RAB3C: variants seen among roughly 807,000 people sequenced by gnomAD.
RAB3C encodes ras-related protein Rab-3C.
In RAB3C, 17 loss-of-function variants were observed where a neutral mutation model predicts 26.4. The observed-to-expected ratio is 0.64, with a 90% confidence interval of 0.44 to 0.97. The LOEUF (loss-of-function observed/expected upper bound fraction) is 0.97. Ranked by LOEUF, RAB3C falls within the 50% of genes least tolerant of loss-of-function variation. RAB3C has a pLI of 0.00. For synonymous variants in RAB3C, 91 were observed against 95.9 expected, an observed-to-expected ratio of 0.95 and a Z score of 0.30; for missense variants, 242 against 281.9, an observed-to-expected ratio of 0.86 and a Z score of 1.01.
chr5:58,694,851 T>C (rs1364584984), intron 2 of RAB3C, among the ~76,000 whole-genome samples: 1 of 152,182 alleles, frequency 6.6e-6, no homozygotes, highest in Non-Finnish European at 1.5e-5. Flanking sequence ...GATGGGTAGA[T>C]TGCAAAAATT....
intron 2 of RAB3C, among the ~76,000 whole-genome samples, chr5:58,620,950 C>T (rs1410132493): frequency 6.6e-6 from 1 of 151,816 alleles, no homozygotes; most frequent in Non-Finnish European, 1.5e-5. Context: ...TTGCATTATG[C>T]TATAATATAA....
At chr5:58,720,735 C>T (rs1219583900) in intron 2 of RAB3C, among the ~76,000 whole-genome samples, 1 of 151,818 alleles carries the variant, frequency 6.6e-6, no homozygotes, top group African/African-American at 2.4e-5. Context: ...TCTACTTTAT[C>T]ATGTATCAGG....
chr5:58,582,815 C>A (rs1745927445), upstream of RAB3C, among the ~76,000 whole-genome samples: 1 of 152,228 alleles, frequency 6.6e-6, no homozygotes, highest in African/African-American at 2.4e-5. Context: ...GCTGGGGTCA[C>A]ATTCGCCTGC....
chr5:58,833,324 T>TCACACACACACACACACACACACA (rs571940681), intron 4 of RAB3C, among the ~76,000 whole-genome samples: 202 of 141,108 alleles, frequency 1.4e-3, no homozygotes, highest in Admixed American at 3.2e-3. Flanking sequence ...ACGGACCCCA[T>TCACACACACACACACACACACACA]CACACACACA....
At chr5:58,744,014 A>C (rs1741338124) in intron 3 of RAB3C, among the ~76,000 whole-genome samples, 1 of 152,206 alleles carries the variant, frequency 6.6e-6, no homozygotes, top group African/African-American at 2.4e-5. Flanking sequence ...TTAATTGTTT[A>C]CCAGTGTGTT....
Position 58,726,052 on chromosome 5 carries a change from T to G in RAB3C, c.303T>G (p.Arg101=), listed in dbSNP as rs1480398812. ...RYRTITTAYY[R]GAMGFILMYD... ...GGACTATCACCACAGCCTATTATCG[T>G]GGAGCCATGGGCTTTATTTTAATGT... is the stretch of plus-strand genomic sequence containing the variant. Residue 101 remains arginine (R), a synonymous_variant, in exon 3 of 5, where the codon CGT becomes CGG. Coordinates refer to ENST00000282878, the MANE Select transcript of RAB3C (RefSeq NM_138453.4). The G allele has an allele frequency of 6.2e-7, 1 of 1,608,186 alleles. No individual in the cohort carries two copies. The highest frequency in any genetic ancestry group is 8.5e-7 in the Non-Finnish European group (1 of 1,176,634).
At chr5:58,848,381 G>C (rs1165317858) in intron 4 of RAB3C, 1 of 152,146 alleles carries the variant, frequency 6.6e-6, no homozygotes, top group Non-Finnish European at 1.5e-5. Flanking sequence ...AATTAACATA[G>C]GACTTACAAT....
chr5:58,685,375 C>T (rs1748423938), intron 2 of RAB3C, among the ~76,000 whole-genome samples: 2 of 152,106 alleles, frequency 1.3e-5, no homozygotes, highest in Non-Finnish European at 2.9e-5. Flanking sequence ...TGGTTCATGG[C>T]CTCTTCCTCC....
At chr5:58,817,604 A>T (rs1356018631) in intron 3 of RAB3C, among the ~76,000 whole-genome samples, 1 of 152,192 alleles carries the variant, frequency 6.6e-6, no homozygotes, top group African/African-American at 2.4e-5. Flanking sequence ...GGAAATAAAG[A>T]AATAGATTAT....
chr5:58,810,364 G>GTT (rs1554020115), intron 3 of RAB3C, among the ~76,000 whole-genome samples: 1 of 103,460 alleles, frequency 9.7e-6, no homozygotes, highest in Non-Finnish European at 2.3e-5. Flanking sequence ...TACTCTGTGT[G>GTT]CTCTCTCTCT....
upstream of RAB3C, chr5:58,583,019 G>A (rs1745933219): frequency 1.4e-6 from 2 of 1,420,740 alleles, no homozygotes; most frequent in Admixed American, 5.6e-5. Flanking sequence ...CAGCTCCCAG[G>A]AGTGCACGGG....
chr5:58,634,265 A>G (rs1747244293), intron 2 of RAB3C, among the ~76,000 whole-genome samples: 1 of 152,164 alleles, frequency 6.6e-6, no homozygotes, highest in African/African-American at 2.4e-5. Flanking sequence ...ATTTATTCAC[A>G]CCATTGAAAA....
chr5:58,652,107 A>G (rs1044420072), intron 2 of RAB3C, among the ~76,000 whole-genome samples: 2 of 152,046 alleles, frequency 1.3e-5, no homozygotes, highest in African/African-American at 2.4e-5. Context: ...AGTGCTATGT[A>G]ATCTTATAAT....
At chr5:58,682,608 C>T (rs955294058) in intron 2 of RAB3C, among the ~76,000 whole-genome samples, 5 of 151,022 alleles carry the variant, frequency 3.3e-5, no homozygotes, top group Non-Finnish European at 5.9e-5. Flanking sequence ...GGCGTGAACC[C>T]GGGAGGTGGA....
At chr5:58,838,919 A>G (rs1403435681) in intron 4 of RAB3C, among the ~76,000 whole-genome samples, 2 of 151,730 alleles carry the variant, frequency 1.3e-5, no homozygotes, top group Non-Finnish European at 2.9e-5. Flanking sequence ...GTGTTATATT[A>G]TTTTGCTGAC....
intron 3 of RAB3C, among the ~76,000 whole-genome samples, chr5:58,741,387 A>G (rs927214105): frequency 2.0e-5 from 3 of 152,190 alleles, no homozygotes; most frequent in African/African-American, 7.2e-5. Context: ...CACCTGGCTC[A>G]AAGTCCCAAC....
At chr5:58,632,011 G>T (rs899601842) in intron 2 of RAB3C, among the ~76,000 whole-genome samples, 1 of 152,184 alleles carries the variant, frequency 6.6e-6, no homozygotes, top group Non-Finnish European at 1.5e-5. Context: ...AAGGAGAGAG[G>T]CTTCTTACTC....
chr5:58,683,798 T>C (rs58069116), intron 2 of RAB3C, among the ~76,000 whole-genome samples: 3,483 of 152,304 alleles, frequency 0.023, 137 homozygotes, highest in African/African-American at 0.08. Context: ...CTGTTAGTAA[T>C]ATAGTGGCTA....
intron 2 of RAB3C, among the ~76,000 whole-genome samples, chr5:58,666,552 C>A (rs1355142474): frequency 6.6e-6 from 1 of 152,180 alleles, no homozygotes; most frequent in Non-Finnish European, 1.5e-5. Flanking sequence ...AGGATCAAAG[C>A]ATGCAAAAGA....
Sources: allele counts gnomAD v4.1 joint callset (sites outside exome capture counted in the v4.1 genomes callset), GRCh38; gene constraint gnomAD v4.1.1; transcripts MANE v1.5; gene names NCBI Gene and HGNC (gene_info 2026-07-23, HGNC 2026-07-21).